Variants in RYR2 observed in about 807,000 individuals in gnomAD.
RYR2 encodes ryanodine receptor 2, also known as cardiac muscle ryanodine receptor-calcium release channel.
Under a neutral mutation model 601.1 loss-of-function variants are expected in RYR2, and 227 were observed. The observed-to-expected ratio is 0.38, with a 90% confidence interval of 0.34 to 0.42. The LOEUF (loss-of-function observed/expected upper bound fraction) is 0.42. Among genes scored for constraint, RYR2 ranks in the 10% least tolerant of loss-of-function variants. RYR2 has a pLI of 1.00. For missense variants in RYR2, 4,646 were observed against 6,156.5 expected (o/e 0.75, Z 8.21); for synonymous variants, 2,223 against 2,175.1 (o/e 1.02, Z -0.61).
At chr1:237,295,476 G>A (rs1692660948) in intron 2 of RYR2, among the ~76,000 whole-genome samples, 1 of 151,984 alleles carries the variant, frequency 6.6e-6, no homozygotes, top group South Asian at 2.1e-4. Flanking sequence ...CTTAAATCTG[G>A]AGTAACATAA....
At chr1:237,156,864 G>A (rs888171035) in intron 1 of RYR2, among the ~76,000 whole-genome samples, 4 of 152,198 alleles carry the variant, frequency 2.6e-5, no homozygotes, top group Admixed American at 6.5e-5. Flanking sequence ...TTAAAATGGC[G>A]CTTATCAAAA....
intron 1 of RYR2, among the ~76,000 whole-genome samples, chr1:237,261,652 T>G (rs934280444): frequency 6.6e-6 from 1 of 152,130 alleles, no homozygotes; most frequent in African/African-American, 2.4e-5. Flanking sequence ...TCCCAGCACT[T>G]TGGGAGGCCG....
chr1:237,232,114 A>G (rs1685062193), intron 1 of RYR2, among the ~76,000 whole-genome samples: 1 of 152,176 alleles, frequency 6.6e-6, no homozygotes, highest in Non-Finnish European at 1.5e-5. Context: ...TCTGGTACAT[A>G]ACTCCTAAAA....
At chr1:237,132,473 A>G (rs901361265) in intron 1 of RYR2, among the ~76,000 whole-genome samples, 5 of 152,234 alleles carry the variant, frequency 3.3e-5, no homozygotes, top group African/African-American at 1.2e-4. Flanking sequence ...CAAACATTTC[A>G]TTGTGGGCTA....
chr1:237,109,463 A>C (rs897326272), intron 1 of RYR2, among the ~76,000 whole-genome samples: 2 of 152,030 alleles, frequency 1.3e-5, no homozygotes, highest in African/African-American at 4.8e-5. Context: ...TCTGTTTTGG[A>C]AAATCTAAGA....
intron 42 of RYR2, 58 bp from the exon 43 acceptor site, chr1:237,633,520 A>C: frequency 1.2e-6 from 2 of 1,606,430 alleles, no homozygotes; most frequent in South Asian, 2.2e-5. Flanking sequence ...TCAACGTATG[A>C]ACTCAATTTT....
chr1:237,303,292 CTTTTTTTTTT>C (rs386370109), intron 2 of RYR2, among the ~76,000 whole-genome samples: 3 of 85,254 alleles, frequency 3.5e-5, no homozygotes, highest in African/African-American at 9.6e-5. Flanking sequence ...CTGCGGTTAT[CTTTTTTTTTT>C]TTTTTTTTTT....
Position 237,456,752 on chromosome 1 carries a change from G to A in RYR2, c.1612+17G>A. On this transcript the variant is annotated intron_variant, in intron 16 of 104. Coordinates refer to ENST00000366574, the MANE Select transcript of RYR2 (RefSeq NM_001035.3). Reference sequence around the variant, plus strand: ...AGTTGCTGGGTAAGAAGCATGATTGGGTTCATAGCAACAGAGTTATCTATT... The same window carrying A: ...AGTTGCTGGGTAAGAAGCATGATTGAGTTCATAGCAACAGAGTTATCTATT... The A allele has an allele frequency of 1.2e-6, 2 of 1,612,342 alleles. No homozygotes were observed. Among genetic ancestry groups the A allele is most frequent in the East Asian group, 2.2e-5 (1 of 44,844 alleles).
chr1:237,163,964 A>C (rs1676333715), intron 1 of RYR2, among the ~76,000 whole-genome samples: 1 of 152,194 alleles, frequency 6.6e-6, no homozygotes, highest in Non-Finnish European at 1.5e-5. Flanking sequence ...AGTTAATGAG[A>C]CTACGGCTTC....
intron 34 of RYR2, among the ~76,000 whole-genome samples, chr1:237,601,702 TA>T (rs1676521640): frequency 6.6e-6 from 1 of 152,206 alleles, no homozygotes; most frequent in African/African-American, 2.4e-5. Flanking sequence ...TACACCCCAT[TA>T]AATATCTACA....
intron 14 of RYR2, among the ~76,000 whole-genome samples, chr1:237,446,485 T>C (rs545196607): frequency 5.3e-5 from 8 of 152,356 alleles, no homozygotes; most frequent in African/African-American, 1.9e-4. Flanking sequence ...GCAAACCTTT[T>C]TACCAGTTTA....
chr1:237,065,269 CT>C (rs766039441), intron 1 of RYR2, among the ~76,000 whole-genome samples: 5 of 77,506 alleles, frequency 6.5e-5, no homozygotes, highest in African/African-American at 2.1e-4. Flanking sequence ...GTGTGCTATC[CT>C]TTTTTTTTTT....
At chr1:237,373,093 T>A (rs767035774) in intron 6 of RYR2, among the ~76,000 whole-genome samples, 42 of 152,168 alleles carry the variant, frequency 2.8e-4, no homozygotes, top group Non-Finnish European at 5.1e-4. Flanking sequence ...GTCTGGGAAG[T>A]CTGATTATTG....
At chr1:237,272,561 A>T (rs962428510) in intron 2 of RYR2, among the ~76,000 whole-genome samples, 1 of 148,724 alleles carries the variant, frequency 6.7e-6, no homozygotes, top group Non-Finnish European at 1.5e-5. Context: ...TGTATAATTT[A>T]TATATATTAG....
At chr1:237,795,525 C>T (rs1303400051) in intron 96 of RYR2, among the ~76,000 whole-genome samples, 194 bp downstream of exon 96, 2 of 151,582 alleles carry the variant, frequency 1.3e-5, no homozygotes, top group African/African-American at 4.9e-5. Flanking sequence ...GATCTCAGCT[C>T]ACTGCAACCT....
chr1:237,699,909 G>A (rs1014966350), intron 64 of RYR2, among the ~76,000 whole-genome samples: 4 of 152,140 alleles, frequency 2.6e-5, no homozygotes, highest in Non-Finnish European at 4.4e-5. Context: ...GTTGGATTTC[G>A]GATTAACTAT....
At chr1:237,155,463 G>A (rs1020850965) in intron 1 of RYR2, among the ~76,000 whole-genome samples, 4 of 151,832 alleles carry the variant, frequency 2.6e-5, no homozygotes, top group South Asian at 2.1e-4. Context: ...GGCATGAGCC[G>A]AATAGTGGCG....
intron 1 of RYR2, among the ~76,000 whole-genome samples, chr1:237,221,685 A>C (rs1683816853): frequency 6.6e-6 from 1 of 152,178 alleles, no homozygotes; most frequent in Admixed American, 6.5e-5. Flanking sequence ...AGCTAGGTTC[A>C]TACCTAGTTC....
chr1:237,248,942 T>G (rs575843233), intron 1 of RYR2, among the ~76,000 whole-genome samples: 8 of 152,130 alleles, frequency 5.3e-5, no homozygotes, highest in East Asian at 1.9e-4. Context: ...TTTTTGTAGT[T>G]TTAGTAGAGA....
Sources: gnomAD v4.1 joint callset for allele counts (sites outside exome capture counted in the v4.1 genomes callset) on GRCh38, gnomAD v4.1.1 for gene constraint, MANE v1.5 for transcripts, NCBI Gene and HGNC (gene_info 2026-07-23, HGNC 2026-07-21) for gene names.